The following MARK2 variants were observed in gnomAD, a reference collection of about 807,000 sequenced individuals.
MARK2 encodes the protein microtubule affinity regulating kinase 2, also known as serine/threonine-protein kinase MARK2.
A neutral mutation model predicts 89.8 loss-of-function variants in MARK2; 16 were observed. That is an observed-to-expected ratio of 0.18 (90% CI 0.12 to 0.27). The LOEUF is 0.27. MARK2 is among the 10% of genes least tolerant of loss of function. The pLI is 1.00. For missense variants in MARK2, 621 were observed against 1,049.9 expected (o/e 0.59, Z 5.65); for synonymous variants, 382 against 399.5 (o/e 0.96, Z 0.52).
At chr11:63,892,579 C>G (rs1939961782) in intron 1 of MARK2, among the ~76,000 whole-genome samples, 1 of 152,096 alleles carries the variant, frequency 6.6e-6, no homozygotes, top group Non-Finnish European at 1.5e-5. Flanking sequence ...CAGACTGTTT[C>G]CTTGAAGTTT....
rs902428307 is a variant in MARK2 at position 63,909,144 on chromosome 11, C to T, written c.2274C>T (p.Leu758=). 5 of 1,614,034 alleles carry T rather than the reference C, an allele frequency of 3.1e-6. No individual in the cohort carries two copies. Among genetic ancestry groups the T allele is most frequent in the African/African-American group, 2.7e-5 (2 of 75,064 alleles). ...WEMEVCKLPR[L]SLNGVRFKRI... ...TGGAGGTGTGCAAACTGCCGCGGCT[C>T]TCTCTCAACGGGGTTCGATTTAAGC... The change falls in exon 19 of 19, where the codon CTC becomes CTT. Residue 758 remains leucine, a synonymous_variant. Coordinates refer to ENST00000402010, the MANE Select transcript of MARK2 (RefSeq NM_001039469.3).
chr11:63,854,601 A>G (rs1233969242), intron 1 of MARK2, among the ~76,000 whole-genome samples: 1 of 151,738 alleles, frequency 6.6e-6, no homozygotes, highest in African/African-American at 2.4e-5. Context: ...TTCGGAGGCC[A>G]AGGCGAGTGG....
intron 1 of MARK2, among the ~76,000 whole-genome samples, chr11:63,881,096 G>T (rs1686833904): frequency 6.6e-6 from 1 of 151,928 alleles, no homozygotes; most frequent in Non-Finnish European, 1.5e-5. Flanking sequence ...CTGAGGTCAG[G>T]AGTTCGAGAC....
chr11:63,866,263 A>C (rs953625891), intron 1 of MARK2, among the ~76,000 whole-genome samples: 2 of 151,774 alleles, frequency 1.3e-5, no homozygotes, highest in African/African-American at 4.8e-5. Context: ...GAGGCACGAG[A>C]ATTGCTTGAA....
chr11:63,866,600 A>G (rs1452826705), intron 1 of MARK2, among the ~76,000 whole-genome samples: 1 of 152,190 alleles, frequency 6.6e-6, no homozygotes, highest in Non-Finnish European at 1.5e-5. Context: ...TTCTATTATC[A>G]AATTCCTCTT....
At chr11:63,905,316 G>A (rs1028023977) in intron 16 of MARK2, among the ~76,000 whole-genome samples, 11 of 152,206 alleles carry the variant, frequency 7.2e-5, no homozygotes, top group Admixed American at 1.3e-4. Flanking sequence ...CTCTCTAGGA[G>A]AGTGTGAACT....
At chr11:63,891,454 G>A (rs951434914) in intron 1 of MARK2, among the ~76,000 whole-genome samples, 14 of 152,212 alleles carry the variant, frequency 9.2e-5, no homozygotes, top group African/African-American at 3.4e-4. Flanking sequence ...CTGACCTGCT[G>A]TGCCACACAG....
At chr11:63,874,699 C>T (rs992006975) in intron 1 of MARK2, among the ~76,000 whole-genome samples, 16 of 152,190 alleles carry the variant, frequency 1.1e-4, no homozygotes, top group African/African-American at 3.6e-4. Context: ...GTTCTAATCC[C>T]CTTGTCTATA....
intron 18 of MARK2, 143 bp from the exon 19 acceptor site, chr11:63,908,734 C>T (rs1289191642): frequency 6.7e-6 from 5 of 751,456 alleles, no homozygotes; most frequent in African/African-American, 3.5e-5. Flanking sequence ...CCACCCTCCG[C>T]CCCCGCAGGC....
intron 1 of MARK2, among the ~76,000 whole-genome samples, chr11:63,859,926 G>C (rs114872488): frequency 1.3e-5 from 2 of 152,008 alleles, no homozygotes; most frequent in Non-Finnish European, 2.9e-5. Context: ...CACCACATCC[G>C]GCCTCTAACC....
Position 63,903,906 on chromosome 11 carries a change from C to T in MARK2, c.1515-80C>T, listed in dbSNP as rs1941103906. ...CAGAGCTCCCCAGCTCTGGCCCTTC[C>T]CCTGCCCTTGCTTCCTAATCCAGGC... On this transcript the variant is annotated intron_variant, in intron 14 of 18. Coordinates refer to ENST00000402010, the MANE Select transcript of MARK2 (RefSeq NM_001039469.3). The surrounding 1 kb of genome is among the most constrained non-coding windows in gnomAD (Gnocchi z 5.1). The T allele has an allele frequency of 7.8e-7, 1 of 1,285,528 alleles. No homozygotes were observed. The highest frequency in any genetic ancestry group is 1.5e-5 in the African/African-American group (1 of 66,738). The allele number at this position is 1,285,528 out of a possible 1,614,324, so 79.6% of individuals were successfully genotyped here. A position where few individuals can be genotyped will look rare whatever the true frequency, so the allele number is the denominator to read the frequency against.
rs1941142028 is a variant in MARK2 at position 63,904,234 on chromosome 11, G to T, written c.1676+87G>T. 4 of 1,197,692 alleles carry T rather than the reference G, an allele frequency of 3.3e-6. No homozygotes were observed. Among genetic ancestry groups the T allele is most frequent in the Non-Finnish European group, 4.6e-6 (4 of 874,794 alleles). 74.2% of individuals were successfully genotyped at this position (1,197,692 alleles called of 1,614,324 possible). ...AACAATTTCTTCTTCCCACTTGGGGGTCCTGCTGTGTTCTTGTCATCTTAG... is the reference window on the plus strand; with the variant it reads ...AACAATTTCTTCTTCCCACTTGGGGTTCCTGCTGTGTTCTTGTCATCTTAG... On this transcript the variant is annotated intron_variant, in intron 15 of 18. Transcript: ENST00000402010. The surrounding 1 kb of genome is among the most constrained non-coding windows in gnomAD (Gnocchi z 6.3).
At chr11:63,854,856 A>G (rs1190424913) in intron 1 of MARK2, among the ~76,000 whole-genome samples, 2 of 152,004 alleles carry the variant, frequency 1.3e-5, no homozygotes, top group Admixed American at 1.3e-4. Context: ...AGGAAATACA[A>G]AGTATTCATG....
At chr11:63,854,378 G>C (rs965602757) in intron 1 of MARK2, among the ~76,000 whole-genome samples, 1 of 108,806 alleles carries the variant, frequency 9.2e-6, no homozygotes, top group Non-Finnish European at 1.9e-5. Flanking sequence ...TTTTCTATTT[G>C]TTTTTTTTTT....
intron 18 of MARK2, 41 bp downstream of exon 18, chr11:63,908,345 C>T (rs1941516998): frequency 6.6e-6 from 10 of 1,519,596 alleles, no homozygotes; most frequent in Non-Finnish European, 8.9e-6. Context: ...CCCGGGCCAC[C>T]GGGCTTGCCA....
chr11:63,899,150 G>A, intron 7 of MARK2, 42 bp downstream of exon 7: 1 of 1,321,302 alleles, frequency 7.6e-7, no homozygotes, highest in African/African-American at 1.4e-5. Context: ...GTGGGAGCCA[G>A]GTTGTTGCCT....
At chr11:63,876,015 CTG>C (rs750928748) in intron 1 of MARK2, among the ~76,000 whole-genome samples, 13 of 152,216 alleles carry the variant, frequency 8.5e-5, no homozygotes, top group Non-Finnish European at 1.3e-4. Flanking sequence ...CCCATAAAGA[CTG>C]TTGATTTGCA....
At chr11:63,894,137 T>G (rs1459008532) in intron 1 of MARK2, among the ~76,000 whole-genome samples, 10 of 152,188 alleles carry the variant, frequency 6.6e-5, no homozygotes, top group African/African-American at 2.4e-4. Flanking sequence ...GTTCTTTCAT[T>G]GTACAAGTAT....
intron 1 of MARK2, among the ~76,000 whole-genome samples, chr11:63,854,831 AG>A (rs1313948296): frequency 1.4e-5 from 2 of 138,056 alleles, no homozygotes; most frequent in Non-Finnish European, 3.2e-5. Flanking sequence ...AAAAAAAAAA[AG>A]GGTATTCCAA....
Sources: gnomAD v4.1 joint callset for allele counts (sites outside exome capture counted in the v4.1 genomes callset) on GRCh38, gnomAD v4.1.1 for gene constraint, Gnocchi (gnomAD v3.1) non-coding constraint, MANE v1.5 for transcripts, NCBI Gene and HGNC (gene_info 2026-07-23, HGNC 2026-07-21) for gene names.